The following FAT3 variants were observed in gnomAD, a reference collection of about 807,000 sequenced individuals.
The protein encoded by FAT3 is FAT atypical cadherin 3, also known as protocadherin Fat 3.
In FAT3, 95 loss-of-function variants were observed where a neutral mutation model predicts 310.2. The ratio of observed to expected loss-of-function variants is 0.31; its 90% CI spans 0.26 to 0.36. FAT3 has a LOEUF of 0.36. Ranked by LOEUF, FAT3 falls within the 10% of genes least tolerant of loss-of-function variation. The pLI is 1.00. For missense variants in FAT3, 5,408 were observed against 5,715.6 expected (o/e 0.95, Z 1.74); for synonymous variants, 2,314 against 2,192.9 (o/e 1.06, Z -1.54).
chr11:92,270,360 A>G lies in FAT3; in HGVS notation c.-18+45186A>G, dbSNP rs191967978. ...AACATTGTTCTCTCCCACTAGTGAT[A>G]TCATCTAGTCTACTGGTTTTAAATA... On this transcript the variant is annotated intron_variant, in intron 1 of 27. Transcript: ENST00000525166. Among the ~76,000 whole-genome samples, 57 of 152,020 alleles carry G rather than the reference A, an allele frequency of 3.7e-4. No homozygotes were observed. The East Asian group carries it at 0.011, about 29-fold the overall frequency.
rs570418965 is a variant in FAT3 at position 92,737,833 on chromosome 11, A to G, written c.3670-24023A>G. On this transcript the variant is annotated intron_variant, in intron 4 of 27. Transcript: ENST00000525166. ...GCCATACAGTGTCAAGAATTGTTCA[A>G]TTGTGTAACAGTGTTATCAAGAAAC... 2.0e-5 allele frequency among the ~76,000 whole-genome samples: 3 copies of G among 152,214 alleles called. 1 individual carries two copies. Among genetic ancestry groups the G allele is most frequent in the South Asian group, 4.2e-4 (2 of 4,816 alleles).
chr11:92,698,691 AT>A (rs1389319292), intron 4 of FAT3, among the ~76,000 whole-genome samples: 1 of 152,212 alleles, frequency 6.6e-6, no homozygotes, highest in Admixed American at 6.5e-5. Flanking sequence ...GCCAAAAAAA[AT>A]AATTATAGTA....
chr11:92,229,408 T>C (rs192219948), intron 1 of FAT3, among the ~76,000 whole-genome samples: 220 of 152,040 alleles, frequency 1.4e-3, no homozygotes, highest in African/African-American at 4.9e-3. Flanking sequence ...TTCTCAAACT[T>C]ACTGAGTTTT....
intron 4 of FAT3, among the ~76,000 whole-genome samples, chr11:92,701,889 GT>G (rs1357961548): frequency 6.6e-6 from 1 of 152,136 alleles, no homozygotes; most frequent in East Asian, 1.9e-4. Flanking sequence ...TTGGGTGGGT[GT>G]TTTTGGTTTT....
intron 2 of FAT3, among the ~76,000 whole-genome samples, chr11:92,368,705 T>TTCATAC (rs1565263358): frequency 1.3e-5 from 2 of 151,988 alleles, no homozygotes; most frequent in African/African-American, 4.8e-5. Flanking sequence ...TATATTCATA[T>TTCATAC]GGTGGTACCA....
chr11:92,465,145 T>C (rs946859549), intron 2 of FAT3, among the ~76,000 whole-genome samples: 11 of 152,032 alleles, frequency 7.2e-5, no homozygotes, highest in African/African-American at 2.4e-4. Context: ...AGGAAAAAAA[T>C]TTGCAGTATT....
At chr11:92,508,607 C>T (rs538960930) in intron 2 of FAT3, among the ~76,000 whole-genome samples, 21 of 152,150 alleles carry the variant, frequency 1.4e-4, no homozygotes, top group African/African-American at 3.1e-4. Context: ...GCATATCTCA[C>T]GGAGGAAATA....
chr11:92,585,040 A>T (rs1794795072), intron 3 of FAT3, among the ~76,000 whole-genome samples: 1 of 152,150 alleles, frequency 6.6e-6, no homozygotes, highest in South Asian at 2.1e-4. Context: ...AAAAAATGTA[A>T]CATCCTGTGG....
chr11:92,782,428 A>T lies in FAT3; in HGVS notation c.4336-7515A>T, dbSNP rs963752909. On this transcript the variant is annotated intron_variant, in intron 7 of 27. Coordinates refer to ENST00000525166, the MANE Select transcript of FAT3 (RefSeq NM_001367949.2). Reference sequence around the variant, plus strand: ...CCAGTATTTACAAAAAATAAAAAAAACCAGACAGGTATGGTGGCACACACC... The same window carrying T: ...CCAGTATTTACAAAAAATAAAAAAATCCAGACAGGTATGGTGGCACACACC... 5.9e-5 allele frequency among the ~76,000 whole-genome samples: 9 copies of T among 152,198 alleles called. No individual in the cohort carries two copies. The South Asian group carries it at 1.0e-3, about 18-fold the overall frequency.
At chr11:92,443,113 C>G (rs72972436) in intron 2 of FAT3, among the ~76,000 whole-genome samples, 11 of 152,136 alleles carry the variant, frequency 7.2e-5, no homozygotes, top group African/African-American at 2.7e-4. Flanking sequence ...TATTTTCGTG[C>G]CTTATACTTT....
chr11:92,776,052 A>C (rs548020497), intron 7 of FAT3, among the ~76,000 whole-genome samples: 1 of 152,312 alleles, frequency 6.6e-6, no homozygotes, highest in African/African-American at 2.4e-5. Context: ...TTAAGTTTTA[A>C]AAATTAGCCT....
chr11:92,392,159 C>G (rs183678695), intron 2 of FAT3, among the ~76,000 whole-genome samples: 135 of 152,202 alleles, frequency 8.9e-4, no homozygotes, highest in South Asian at 2.7e-3. Context: ...GAGACATGCA[C>G]GCACGCACAC....
At chr11:92,731,312 A>C (rs1470972512) in intron 4 of FAT3, among the ~76,000 whole-genome samples, 1 of 152,188 alleles carries the variant, frequency 6.6e-6, no homozygotes, top group East Asian at 1.9e-4. Context: ...TGGTTGTCAC[A>C]ATAGCAGAGA....
chr11:92,529,968 A>G (rs1954013161), intron 3 of FAT3, among the ~76,000 whole-genome samples: 1 of 152,224 alleles, frequency 6.6e-6, no homozygotes, highest in Non-Finnish European at 1.5e-5. Flanking sequence ...TAGGAGGAAG[A>G]AATCCTCTTC....
intron 1 of FAT3, among the ~76,000 whole-genome samples, chr11:92,312,501 T>C (rs1242901213): frequency 6.6e-6 from 1 of 152,158 alleles, no homozygotes; most frequent in Non-Finnish European, 1.5e-5. Flanking sequence ...GTCCCGCTAA[T>C]CATTTTGCAC....
intron 4 of FAT3, among the ~76,000 whole-genome samples, chr11:92,744,297 T>C (rs1163651026): frequency 6.6e-6 from 1 of 152,246 alleles, no homozygotes; most frequent in Non-Finnish European, 1.5e-5. Context: ...CTGCTCTGAA[T>C]GTTCTCTTCC....
chr11:92,828,763 A>G (rs1416522626), intron 13 of FAT3, among the ~76,000 whole-genome samples: 2 of 152,174 alleles, frequency 1.3e-5, no homozygotes, highest in Non-Finnish European at 2.9e-5. Context: ...CAGCACTCCA[A>G]CAACAGGGCT....
intron 3 of FAT3, among the ~76,000 whole-genome samples, chr11:92,583,302 A>T (rs1043814873): frequency 7.9e-5 from 12 of 152,036 alleles, no homozygotes; most frequent in African/African-American, 2.9e-4. Flanking sequence ...TTTACAAGAT[A>T]GCTTTCTCCT....
intron 19 of FAT3, among the ~76,000 whole-genome samples, chr11:92,853,184 G>A (rs1948877582): frequency 6.6e-6 from 1 of 152,234 alleles, no homozygotes; most frequent in Admixed American, 6.5e-5. Context: ...ACATGAGCAA[G>A]CATGGGGTTC....
Sources: allele counts gnomAD v4.1 joint callset (sites outside exome capture counted in the v4.1 genomes callset), GRCh38; gene constraint gnomAD v4.1.1; transcripts MANE v1.5; gene names NCBI Gene and HGNC (gene_info 2026-07-23, HGNC 2026-07-21).